TRPV4: variants seen among roughly 807,000 people sequenced by gnomAD.
The protein encoded by TRPV4 is OSM9-like transient receptor potential channel 4.
In TRPV4, 58 loss-of-function variants were observed where a neutral mutation model predicts 84.1. The ratio of observed to expected loss-of-function variants is 0.69; its 90% CI spans 0.56 to 0.86. TRPV4 has a LOEUF of 0.86. Ranked by LOEUF, TRPV4 falls within the 40% of genes least tolerant of loss-of-function variation. The pLI is 0.00. For missense variants in TRPV4, 879 were observed against 1,181.1 expected, an observed-to-expected ratio of 0.74 and a Z score of 3.75; for synonymous variants, 489 against 500.9, an observed-to-expected ratio of 0.98 and a Z score of 0.32.
At chr12:109,820,665 G>A (rs755183551) in intron 1 of TRPV4, among the ~76,000 whole-genome samples, 13 of 151,794 alleles carry the variant, frequency 8.6e-5, no homozygotes, top group Non-Finnish European at 1.6e-4. Context: ...GGGACTACAG[G>A]CACCCGCCAC....
chr12:109,800,517 T>C (rs1890705704), intron 5 of TRPV4, 101 bp downstream of exon 5: 2 of 1,468,916 alleles, frequency 1.4e-6, no homozygotes, highest in Non-Finnish European at 1.9e-6. Flanking sequence ...TGGCCCTGGG[T>C]GTCTGGGTGA....
rs1305400020 is a variant in TRPV4 at position 109,783,430 on chromosome 12, C to T, written c.*191G>A. Reference sequence around the variant, plus strand: ...ACTCCATAGGAGCAAGACAGGTGGCCGGGAGCCCCCACCCCAGGGTGGGGA... The same window carrying T: ...ACTCCATAGGAGCAAGACAGGTGGCTGGGAGCCCCCACCCCAGGGTGGGGA... On this transcript the variant is annotated 3_prime_UTR_variant, in exon 16 of 16. Transcript: ENST00000261740. The surrounding 1 kb of genome is among the most constrained non-coding windows in gnomAD (Gnocchi z 4.6). 2.3e-5 allele frequency: 16 copies of T among 689,624 alleles called. No homozygotes were observed. Among genetic ancestry groups the T allele is most frequent in the East Asian group, 1.1e-4 (4 of 35,462 alleles). 42.7% of individuals were successfully genotyped at this position (689,624 alleles called of 1,614,324 possible). A position where few individuals can be genotyped will look rare whatever the true frequency, so the allele number is the denominator to read the frequency against.
At position 109,798,945 on chromosome 12, in the gene TRPV4, G is replaced by A. The variant is rs751282047; in HGVS notation, c.854-33C>T. 18 of 1,591,428 alleles carry A rather than the reference G, an allele frequency of 1.1e-5. No individual in the cohort carries two copies. The highest frequency in any genetic ancestry group is 5.6e-5 in the South Asian group (5 of 89,148). ...CCAGGGTGAAGGGTGGGAGGTCAGC[G>A]AAGGGGGCCCAGGGTGGGACTCTGC... On this transcript the variant is annotated intron_variant, in intron 5 of 15. Coordinates refer to ENST00000261740, the MANE Select transcript of TRPV4 (RefSeq NM_021625.5). The surrounding 1 kb of genome is among the most constrained non-coding windows in gnomAD (Gnocchi z 5.0).
chr12:109,803,396 T>C (rs892672260), intron 3 of TRPV4, among the ~76,000 whole-genome samples: 1 of 152,190 alleles, frequency 6.6e-6, no homozygotes, highest in African/African-American at 2.4e-5. Context: ...GCCTACAGAT[T>C]GGTATTTATT....
chr12:109,789,772 G>A (rs1889918640), intron 12 of TRPV4, among the ~76,000 whole-genome samples: 1 of 152,194 alleles, frequency 6.6e-6, no homozygotes, highest in Non-Finnish European at 1.5e-5. Context: ...CAGTTGTATA[G>A]TACCTGGTGA....
chr12:109,818,965 G>T (rs1891978593), intron 1 of TRPV4, among the ~76,000 whole-genome samples: 1 of 152,154 alleles, frequency 6.6e-6, no homozygotes, highest in Non-Finnish European at 1.5e-5. Context: ...AGGCCAGCTA[G>T]GGAGCAAATG....
At position 109,783,494 on chromosome 12, in the gene TRPV4, G is replaced by C. The variant is rs2136411113; in HGVS notation, c.*127C>G. 1 of 1,326,220 alleles carries C rather than the reference G, an allele frequency of 7.5e-7. No individual in the cohort carries two copies. Among genetic ancestry groups the C allele is most frequent in the East Asian group, 2.5e-5 (1 of 40,710 alleles). The allele number at this position is 1,326,220 out of a possible 1,614,324, so 82.2% of individuals were successfully genotyped here. A position where few individuals can be genotyped will look rare whatever the true frequency, so the allele number is the denominator to read the frequency against. On this transcript the variant is annotated 3_prime_UTR_variant, in exon 16 of 16. Coordinates refer to ENST00000261740, the MANE Select transcript of TRPV4 (RefSeq NM_021625.5). The surrounding 1 kb of genome is among the most constrained non-coding windows in gnomAD (Gnocchi z 4.6). ...GACCACAGGGTCCTGGGGCCTCCCT[G>C]GCACCTCCACTGGTCCCTCGCCTCT... is the stretch of plus-strand genomic sequence containing the variant.
At chr12:109,809,117 C>A (rs993465664) in intron 2 of TRPV4, among the ~76,000 whole-genome samples, 11 of 148,800 alleles carry the variant, frequency 7.4e-5, no homozygotes, top group African/African-American at 2.5e-4. Flanking sequence ...ACCATTCACC[C>A]ATCCACCTAC....
At chr12:109,817,507 C>A (rs913267146) in intron 1 of TRPV4, among the ~76,000 whole-genome samples, 5 of 152,196 alleles carry the variant, frequency 3.3e-5, no homozygotes, top group Non-Finnish European at 5.9e-5. Flanking sequence ...CTGGACAGCA[C>A]CCCAGGTTCC....
At chr12:109,810,301 G>C (rs541118810) in intron 2 of TRPV4, among the ~76,000 whole-genome samples, 2 of 152,234 alleles carry the variant, frequency 1.3e-5, no homozygotes, top group African/African-American at 2.4e-5. Flanking sequence ...AGAGACTAAA[G>C]AGAAGGAGGA....
In TRPV4 at chr12:109,814,630, C is replaced by A. The variant is rs767169716; in HGVS notation, c.167G>T (p.Arg56Leu). Residue 56 changes from arginine to leucine, a missense_variant, in exon 2 of 16, where the codon CGC (arginine) becomes CTC (leucine). Coordinates refer to ENST00000261740, the MANE Select transcript of TRPV4 (RefSeq NM_021625.5). The surrounding 1 kb of genome is among the most constrained non-coding windows in gnomAD (Gnocchi z 5.4). ...TCGCCCATCGCCTGGGCCAGCAGGGCGACTGGCATCAGCCGGTGAGGGCGA... is the reference window on the plus strand; with the variant it reads ...TCGCCCATCGCCTGGGCCAGCAGGGAGACTGGCATCAGCCGGTGAGGGCGA... ...SLSPSPADAS[R>L]PAGPGDGRPN... 1 of 1,613,842 alleles carries A rather than the reference C, an allele frequency of 6.2e-7. No individual in the cohort carries two copies. Among genetic ancestry groups the A allele is most frequent in the Non-Finnish European group, 8.5e-7 (1 of 1,179,970 alleles).
chr12:109,784,713 G>A (rs1354867874), intron 14 of TRPV4, among the ~76,000 whole-genome samples: 6 of 151,378 alleles, frequency 4.0e-5, no homozygotes, highest in African/African-American at 7.3e-5. Context: ...GCATGGTGGC[G>A]GGTGCCTATA....
intron 3 of TRPV4, among the ~76,000 whole-genome samples, chr12:109,806,020 G>A (rs980739007): frequency 3.7e-4 from 57 of 152,280 alleles, no homozygotes; most frequent in African/African-American, 1.3e-3. Context: ...GAGGCCATTT[G>A]GCCAGGGCTT....
At chr12:109,809,088 TCCATCCATCCACCCACCCACCATTCAC>T (rs1326289048) in intron 2 of TRPV4, among the ~76,000 whole-genome samples, 2 of 133,602 alleles carry the variant, frequency 1.5e-5, no homozygotes, top group African/African-American at 5.7e-5. Flanking sequence ...CACTCATCCA[TCCATCCATCCACCCACCCACCATTCAC>T]CCATCCACCT....
intron 3 of TRPV4, among the ~76,000 whole-genome samples, chr12:109,806,588 C>T (rs924818943): frequency 2.0e-5 from 3 of 151,370 alleles, no homozygotes; most frequent in Non-Finnish European, 4.4e-5. Context: ...GCCTCAGTGG[C>T]TCATGCCTGT....
At chr12:109,784,208 C>A in intron 15 of TRPV4, 108 bp downstream of exon 15, 1 of 1,554,796 alleles carries the variant, frequency 6.4e-7, no homozygotes, top group South Asian at 1.1e-5. Flanking sequence ...CACACTCTCT[C>A]ATTCTGTAGA....
chr12:109,788,517 G>T lies in TRPV4; in HGVS notation c.2091C>A (p.Ile697=). The T allele has an allele frequency of 6.2e-7, 1 of 1,614,266 alleles. No individual in the cohort carries two copies. The highest frequency in any genetic ancestry group is 2.2e-5 in the East Asian group (1 of 44,888). ...SSTKYPVVFI[I]LLVTYIILTF... is the part of the protein sequence containing the mutation. Reference sequence around the variant, plus strand: ...TGAGGATGATGTAGGTCACCAGCAGGATGATGAAGACCACGGGGTACTTGG... The same window carrying T: ...TGAGGATGATGTAGGTCACCAGCAGTATGATGAAGACCACGGGGTACTTGG... The change falls in exon 13 of 16, where the codon ATC becomes ATA. Residue 697 remains isoleucine (I), a synonymous_variant. Transcript: ENST00000261740.
intron 1 of TRPV4, among the ~76,000 whole-genome samples, chr12:109,823,949 G>A (rs1892180498): frequency 6.6e-6 from 1 of 151,674 alleles, no homozygotes; most frequent in South Asian, 2.1e-4. Context: ...TCTTGTGTGT[G>A]TGTGTGTGTG....
chr12:109,796,561 G>C lies in TRPV4; in HGVS notation c.1296C>G (p.Ser432=). 1 of 1,614,110 alleles carries C rather than the reference G, an allele frequency of 6.2e-7. No homozygotes were observed. Among genetic ancestry groups the C allele is most frequent in the Non-Finnish European group, 8.5e-7 (1 of 1,180,024 alleles). The change falls in exon 7 of 16, where the codon TCC becomes TCG. Residue 432 remains serine, a synonymous_variant. Transcript: ENST00000261740. The surrounding 1 kb of genome is among the most constrained non-coding windows in gnomAD (Gnocchi z 4.2). ...TGTTGTACACCAGGATCTCCAGCACGGAGGCCTCTTCCCCACACGTGTCCA... is the reference window on the plus strand; with the variant it reads ...TGTTGTACACCAGGATCTCCAGCACCGAGGCCTCTTCCCCACACGTGTCCA... ...SSLDTCGEEA[S]VLEILVYNSK...
Sources: allele counts gnomAD v4.1 joint callset (sites outside exome capture counted in the v4.1 genomes callset), GRCh38; gene constraint gnomAD v4.1.1; non-coding constraint Gnocchi (gnomAD v3.1); transcripts MANE v1.5; gene names NCBI Gene and HGNC (gene_info 2026-07-23, HGNC 2026-07-21).